The following C1QTNF7 variants were observed in gnomAD, a reference collection of about 807,000 sequenced individuals.
The protein encoded by C1QTNF7 is complement C1q tumor necrosis factor-related protein 7.
In C1QTNF7, 15 loss-of-function variants were observed where a neutral mutation model predicts 19.6. The observed-to-expected ratio is 0.76, with a 90% confidence interval of 0.51 to 1.18. The LOEUF (loss-of-function observed/expected upper bound fraction) is 1.18, where lower values mean the gene tolerates loss of function less well. C1QTNF7 is among the 50% of genes most tolerant of loss of function. The pLI, the probability that C1QTNF7 is intolerant of heterozygous loss-of-function variation, is 0.00. For missense variants in C1QTNF7, 324 were observed against 359.7 expected, an observed-to-expected ratio of 0.90 and a Z score of 0.80; for synonymous variants, 142 against 137.5, an observed-to-expected ratio of 1.03 and a Z score of -0.23.
intron 2 of C1QTNF7, among the ~76,000 whole-genome samples, chr4:15,440,957 A>G (rs1393947202): frequency 6.6e-6 from 1 of 152,086 alleles, no homozygotes; most frequent in Admixed American, 6.5e-5. Flanking sequence ...CCTGGCCAAC[A>G]TGGCAAAAGC....
At chr4:15,392,206 T>C (rs1402800765) in intron 1 of C1QTNF7, among the ~76,000 whole-genome samples, 2 of 152,172 alleles carry the variant, frequency 1.3e-5, no homozygotes, top group Non-Finnish European at 2.9e-5. Context: ...CCTCCATTCA[T>C]CCAGGTATCG....
rs1487362450 is a variant in C1QTNF7 at position 15,444,921 on chromosome 4, C to T, written c.*2122C>T. Reference sequence around the variant, plus strand: ...CAGCCTGAGAATTGGAGGATTTATTCATAAGAAAGTGTAGAGACCCTGTGT... The same window carrying T: ...CAGCCTGAGAATTGGAGGATTTATTTATAAGAAAGTGTAGAGACCCTGTGT... On this transcript the variant is annotated 3_prime_UTR_variant, in exon 3 of 3. Coordinates refer to ENST00000444304, the MANE Select transcript of C1QTNF7 (RefSeq NM_031911.5). 1 of 152,212 alleles carries T rather than the reference C, an allele frequency of 6.6e-6. No homozygotes were observed. 9.4% of individuals were successfully genotyped at this position (152,212 alleles called of 1,614,324 possible).
At chr4:15,373,201 T>C (rs1009621790) in intron 1 of C1QTNF7, among the ~76,000 whole-genome samples, 5 of 152,250 alleles carry the variant, frequency 3.3e-5, no homozygotes, top group African/African-American at 9.6e-5. Context: ...GCTTCCAAGA[T>C]GGCACCTTGT....
upstream of C1QTNF7, among the ~76,000 whole-genome samples, chr4:15,426,205 AC>A (rs1258732143): frequency 6.6e-6 from 1 of 151,856 alleles, no homozygotes; most frequent in Non-Finnish European, 1.5e-5. Flanking sequence ...ACAAAATAAG[AC>A]CCCGTCCTTG....
At chr4:15,435,447 C>T (rs561131159) in intron 1 of C1QTNF7, among the ~76,000 whole-genome samples, 3 of 152,074 alleles carry the variant, frequency 2.0e-5, no homozygotes, top group Admixed American at 6.5e-5. Context: ...TTTTTAAATC[C>T]ATCATTGATT....
chr4:15,430,395 G>A (rs993525603), intron 1 of C1QTNF7, among the ~76,000 whole-genome samples: 1 of 152,088 alleles, frequency 6.6e-6, no homozygotes, highest in African/African-American at 2.4e-5. Flanking sequence ...GACCAACCTG[G>A]GTAACTTGGT....
intron 1 of C1QTNF7, among the ~76,000 whole-genome samples, chr4:15,393,292 C>T (rs562919112): frequency 2.0e-5 from 3 of 152,262 alleles, no homozygotes; most frequent in Middle Eastern, 3.4e-3. Context: ...TATGTCTTAT[C>T]AGCAGCATGA....
intron 1 of C1QTNF7, among the ~76,000 whole-genome samples, chr4:15,417,464 G>C (rs1719641754): frequency 6.6e-6 from 1 of 152,208 alleles, no homozygotes; most frequent in Non-Finnish European, 1.5e-5. Context: ...GAGATCCTGA[G>C]GCTGCATAAT....
chr4:15,407,824 G>A (rs1349921156), intron 1 of C1QTNF7, among the ~76,000 whole-genome samples: 2 of 152,106 alleles, frequency 1.3e-5, no homozygotes, highest in Non-Finnish European at 2.9e-5. Context: ...TATTCAGGAG[G>A]CTAAGGCAAG....
chr4:15,351,243 G>A (rs576631216), intron 1 of C1QTNF7, among the ~76,000 whole-genome samples: 8 of 152,086 alleles, frequency 5.3e-5, no homozygotes, highest in African/African-American at 9.6e-5. Context: ...GTCTTCTTCC[G>A]TCCTTTTCAT....
chr4:15,425,553 A>G (rs1168372468), upstream of C1QTNF7, among the ~76,000 whole-genome samples: 1 of 152,182 alleles, frequency 6.6e-6, no homozygotes, highest in Non-Finnish European at 1.5e-5. Context: ...AGGAGGAGGA[A>G]GAAACAGAGG....
At chr4:15,376,426 G>A (rs1264488034) in intron 1 of C1QTNF7, among the ~76,000 whole-genome samples, 3 of 152,240 alleles carry the variant, frequency 2.0e-5, no homozygotes, top group Non-Finnish European at 4.4e-5. Context: ...CTGAAGCAGA[G>A]TTCCTGGAGA....
chr4:15,341,412 G>A (rs1395789620), intron 1 of C1QTNF7, among the ~76,000 whole-genome samples: 1 of 152,148 alleles, frequency 6.6e-6, no homozygotes, highest in African/African-American at 2.4e-5. Flanking sequence ...TCAAATTCTA[G>A]TTACATAAAG....
At position 15,398,128 on chromosome 4, in the gene C1QTNF7, T is replaced by C. The variant is rs146531293; in HGVS notation, c.14-37608T>C. Among the ~76,000 whole-genome samples the C allele has an allele frequency of 1.2e-3, 180 of 152,358 alleles. 2 individuals carry two copies. The highest frequency in any genetic ancestry group is 4.3e-3 in the African/African-American group (177 of 41,576). Reference sequence around the variant, plus strand: ...CCAACAATTTCTTCAGTGCCAGTCATGCGTCAGTTGCTGTGTTTGGCTCCA... The same window carrying C: ...CCAACAATTTCTTCAGTGCCAGTCACGCGTCAGTTGCTGTGTTTGGCTCCA... On this transcript the variant is annotated intron_variant, in intron 1 of 2. Transcript: ENST00000295297.
At chr4:15,342,368 G>A (rs975586455) in intron 1 of C1QTNF7, among the ~76,000 whole-genome samples, 1 of 152,186 alleles carries the variant, frequency 6.6e-6, no homozygotes, top group African/African-American at 2.4e-5. Context: ...AGGGATCAAT[G>A]GCTGATGGGC....
intron 1 of C1QTNF7, among the ~76,000 whole-genome samples, chr4:15,389,477 C>T (rs543855837): frequency 2.2e-4 from 33 of 152,178 alleles, no homozygotes; most frequent in Non-Finnish European, 2.1e-4. Flanking sequence ...TGGAGTACAA[C>T]GGTGCCATCA....
intron 1 of C1QTNF7, among the ~76,000 whole-genome samples, chr4:15,400,827 A>G (rs1718961001): frequency 6.6e-6 from 1 of 152,238 alleles, no homozygotes; most frequent in African/African-American, 2.4e-5. Flanking sequence ...CATGCTCACT[A>G]TGGAGCAATC....
At chr4:15,427,295 A>G (rs1712094628), upstream of C1QTNF7, among the ~76,000 whole-genome samples, 1 of 152,230 alleles carries the variant, frequency 6.6e-6, no homozygotes, top group Non-Finnish European at 1.5e-5. Context: ...GACATCATAA[A>G]TTATATATTG....
chr4:15,369,254 G>T (rs1402553959), intron 1 of C1QTNF7, among the ~76,000 whole-genome samples: 2 of 152,168 alleles, frequency 1.3e-5, no homozygotes, highest in African/African-American at 4.8e-5. Flanking sequence ...TGAGAAAACA[G>T]CCCAGAATTA....
Sources: allele counts gnomAD v4.1 joint callset (sites outside exome capture counted in the v4.1 genomes callset), GRCh38; gene constraint gnomAD v4.1.1; transcripts MANE v1.5; gene names NCBI Gene and HGNC (gene_info 2026-07-23, HGNC 2026-07-21).